Variants in DACH1 observed in about 807,000 individuals in gnomAD.
The protein encoded by DACH1 is dachshund family transcription factor 1.
A neutral mutation model predicts 54.2 loss-of-function variants in DACH1; 12 were observed. The ratio of observed to expected loss-of-function variants is 0.22; its 90% confidence interval spans 0.14 to 0.36. The LOEUF (loss-of-function observed/expected upper bound fraction) is 0.36. Ranked by LOEUF, DACH1 falls within the 10% of genes least tolerant of loss-of-function variation. DACH1 has a pLI of 1.00. For missense variants in DACH1, 805 were observed against 929.8 expected (o/e 0.87, Z 1.75); for synonymous variants, 386 against 366.2 (o/e 1.05, Z -0.62).
chr13:71,822,473 T>C (rs1374012741), intron 1 of DACH1, among the ~76,000 whole-genome samples: 3 of 152,198 alleles, frequency 2.0e-5, no homozygotes, highest in Admixed American at 1.3e-4. Context: ...ATCATTCTTG[T>C]GTATCTCGTG....
chr13:71,488,247 A>G (rs1878700202), intron 7 of DACH1, among the ~76,000 whole-genome samples: 1 of 152,202 alleles, frequency 6.6e-6, no homozygotes, highest in Non-Finnish European at 1.5e-5. Context: ...ACTACTCACT[A>G]GCTACCCAAA....
chr13:71,455,312 T>C lies in DACH1; in HGVS notation c.2084-14620A>G, dbSNP rs1352448601. ...TATAGAGATAGATAGATATATCATA[T>C]ATCTATCTCTCCATATATGGAGTCT... is the stretch of plus-strand genomic sequence containing the variant. On this transcript the variant is annotated intron_variant, in intron 10 of 10. Coordinates refer to ENST00000613252, the MANE Select transcript of DACH1 (RefSeq NM_080759.6). Among the ~76,000 whole-genome samples the C allele has an allele frequency of 5.3e-5, 8 of 152,260 alleles. No individual in the cohort carries two copies. In the East Asian group the frequency reaches 1.5e-3, roughly 29 times the overall value.
intron 6 of DACH1, among the ~76,000 whole-genome samples, chr13:71,514,132 T>C (rs1880984890): frequency 6.6e-6 from 1 of 152,032 alleles, no homozygotes; most frequent in Non-Finnish European, 1.5e-5. Context: ...TTTCATAAGC[T>C]CCTTTGATCA....
chr13:71,692,506 CTTTTTTTTTTTTTTTTTTTTT>C (rs398023338), intron 1 of DACH1, among the ~76,000 whole-genome samples: 1 of 44,424 alleles, frequency 2.3e-5, no homozygotes, highest in Non-Finnish European at 3.4e-5. Flanking sequence ...CTTTTCTTTC[CTTTTTTTTTTTTTTTTTTTTT>C]TTTTTTTTTT....
rs1879770135 is a variant in DACH1 at position 71,665,447 on chromosome 13, T to A, written c.964+16348A>T. On this transcript the variant is annotated intron_variant, in intron 2 of 10. Coordinates refer to ENST00000613252, the MANE Select transcript of DACH1 (RefSeq NM_080759.6). ...CTTTAAAATGTAACTATAAAATATA[T>A]AAATCTTCAAAATGAAACTATTTTA... 2.0e-5 allele frequency among the ~76,000 whole-genome samples: 3 copies of A among 152,018 alleles called. No homozygotes were observed. The South Asian group carries it at 6.2e-4, about 31-fold the overall frequency.
At chr13:71,491,616 C>T (rs563158286) in intron 6 of DACH1, among the ~76,000 whole-genome samples, 1 of 151,918 alleles carries the variant, frequency 6.6e-6, no homozygotes, top group East Asian at 1.9e-4. Flanking sequence ...GTTTAAGAAG[C>T]GAAAAAATGA....
chr13:71,854,765 C>A lies in DACH1; in HGVS notation c.848+11157G>T, dbSNP rs1257791822. On this transcript the variant is annotated intron_variant, in intron 1 of 10. Transcript: ENST00000613252. ...GGAGTGCAATAGCCATGTTAAATCA[C>A]CATGAAACTAGTTGGGGTAAACTTT... 4.6e-5 allele frequency among the ~76,000 whole-genome samples: 7 copies of A among 152,090 alleles called. No individual in the cohort carries two copies. The East Asian group carries it at 1.4e-3, about 29-fold the overall frequency.
intron 1 of DACH1, among the ~76,000 whole-genome samples, chr13:71,854,755 T>C (rs1006138537): frequency 1.3e-5 from 2 of 152,078 alleles, no homozygotes; most frequent in Non-Finnish European, 2.9e-5. Flanking sequence ...GCAATAGCCA[T>C]GTTAAATCAC....
chr13:71,440,431 G>C lies in DACH1; in HGVS notation c.*224C>G, dbSNP rs1326331340. The C allele has an allele frequency of 2.2e-6, 1 of 459,366 alleles. No individual in the cohort carries two copies. Among genetic ancestry groups the C allele is most frequent in the African/African-American group, 2.1e-5 (1 of 47,984 alleles). 28.5% of individuals were successfully genotyped at this position (459,366 alleles called of 1,614,324 possible). A position where few individuals can be genotyped will look rare whatever the true frequency, so the allele number is the denominator to read the frequency against. Reference sequence around the variant, plus strand: ...ATTAACTGTAAGAACTTTGATACTTGTACATTTACAAACATTCTCAGGTCT... The same window carrying C: ...ATTAACTGTAAGAACTTTGATACTTCTACATTTACAAACATTCTCAGGTCT... On this transcript the variant is annotated 3_prime_UTR_variant, in exon 11 of 11. Coordinates refer to ENST00000613252, the MANE Select transcript of DACH1 (RefSeq NM_080759.6).
At chr13:71,606,073 C>T (rs1369998582) in intron 3 of DACH1, among the ~76,000 whole-genome samples, 1 of 151,976 alleles carries the variant, frequency 6.6e-6, no homozygotes, top group Non-Finnish European at 1.5e-5. Flanking sequence ...TGCTAATCTA[C>T]TAGAGTACTA....
intron 1 of DACH1, among the ~76,000 whole-genome samples, chr13:71,789,617 G>T (rs1036712494): frequency 2.6e-5 from 4 of 151,930 alleles, no homozygotes; most frequent in African/African-American, 9.7e-5. Flanking sequence ...AATCTACTGG[G>T]AAGGCAGCTG....
chr13:71,624,700 C>T (rs1876517586), intron 3 of DACH1, among the ~76,000 whole-genome samples: 1 of 151,968 alleles, frequency 6.6e-6, no homozygotes, highest in Non-Finnish European at 1.5e-5. Context: ...GAACTGGAGA[C>T]ATTTTTAGAG....
intron 10 of DACH1, among the ~76,000 whole-genome samples, chr13:71,444,134 GTCTT>G (rs1196458147): frequency 3.6e-4 from 54 of 151,610 alleles, no homozygotes; most frequent in Admixed American, 3.5e-3. Flanking sequence ...AAAAATTTCT[GTCTT>G]TCGTATATTT....
chr13:71,782,607 A>T (rs2138070551), intron 1 of DACH1, among the ~76,000 whole-genome samples: 1 of 152,266 alleles, frequency 6.6e-6, no homozygotes, highest in African/African-American at 2.4e-5. Flanking sequence ...TAGTTTCTTT[A>T]CAAATCTCCC....
At chr13:71,810,788 T>A (rs1887678599) in intron 1 of DACH1, among the ~76,000 whole-genome samples, 1 of 152,146 alleles carries the variant, frequency 6.6e-6, no homozygotes, top group Non-Finnish European at 1.5e-5. Context: ...TAAATTAAAC[T>A]ACACTTGTCA....
intron 1 of DACH1, among the ~76,000 whole-genome samples, chr13:71,801,819 A>G (rs1420316634): frequency 6.6e-6 from 1 of 151,054 alleles, no homozygotes; most frequent in African/African-American, 2.4e-5. Context: ...CAGAATTACA[A>G]TGTTCTTTAT....
intron 1 of DACH1, among the ~76,000 whole-genome samples, chr13:71,794,442 A>T (rs1272351890): frequency 6.6e-6 from 1 of 152,048 alleles, no homozygotes; most frequent in African/African-American, 2.4e-5. Flanking sequence ...CAACCATTTT[A>T]TTTATTTATT....
At chr13:71,466,674 G>A (rs1047681960) in intron 10 of DACH1, among the ~76,000 whole-genome samples, 1 of 151,766 alleles carries the variant, frequency 6.6e-6, no homozygotes, top group Non-Finnish European at 1.5e-5. Context: ...AAAACCCTGT[G>A]TCTACAAAAA....
intron 3 of DACH1, among the ~76,000 whole-genome samples, chr13:71,621,525 T>G (rs1041237647): frequency 1.6e-4 from 25 of 152,024 alleles, no homozygotes; most frequent in African/African-American, 6.0e-4. Context: ...AGACATTAAA[T>G]AATAACATAT....
Sources: gnomAD v4.1 joint callset for allele counts (sites outside exome capture counted in the v4.1 genomes callset) on GRCh38, gnomAD v4.1.1 for gene constraint, MANE v1.5 for transcripts, NCBI Gene and HGNC (gene_info 2026-07-23, HGNC 2026-07-21) for gene names.